The following CBL variants were observed in gnomAD, a reference collection of about 807,000 sequenced individuals.
The protein encoded by CBL is Cbl proto-oncogene, also known as E3 ubiquitin-protein ligase CBL.
CBL carries 45 observed loss-of-function variants against 96.9 expected under a neutral mutation model. The observed-to-expected ratio is 0.46, with a 90% confidence interval of 0.37 to 0.60. The LOEUF (loss-of-function observed/expected upper bound fraction) is 0.60, where lower values mean the gene tolerates loss of function less well. Among genes scored for constraint, CBL ranks in the 20% least tolerant of loss-of-function variants. The pLI is 0.00. For missense variants in CBL, 1,024 were observed against 1,143.5 expected (o/e 0.90, Z 1.51); for synonymous variants, 420 against 426.8 (o/e 0.98, Z 0.20).
chr11:119,248,721 A>G (rs1388403722), intron 2 of CBL, among the ~76,000 whole-genome samples: 1 of 152,234 alleles, frequency 6.6e-6, no homozygotes, highest in East Asian at 1.9e-4. Context: ...ATGGGTCAAA[A>G]TATTTACAAG....
At chr11:119,221,045 G>C (rs1949405345) in intron 1 of CBL, among the ~76,000 whole-genome samples, 1 of 151,640 alleles carries the variant, frequency 6.6e-6, no homozygotes, top group Non-Finnish European at 1.5e-5. Flanking sequence ...AGGAGTTCGA[G>C]ACCAGCTTGT....
intron 2 of CBL, among the ~76,000 whole-genome samples, chr11:119,254,974 C>T (rs556851268): frequency 2.6e-5 from 4 of 152,178 alleles, no homozygotes; most frequent in African/African-American, 9.6e-5. Flanking sequence ...GACTGGAATT[C>T]ATGGGTAGAA....
At chr11:119,230,741 G>C (rs1949496250) in intron 1 of CBL, among the ~76,000 whole-genome samples, 1 of 152,150 alleles carries the variant, frequency 6.6e-6, no homozygotes, top group South Asian at 2.1e-4. Context: ...CGCTGATACT[G>C]AATTTCCTTG....
chr11:119,278,656 T>C lies in CBL; in HGVS notation c.1374T>C (p.Asp458=). Residue 458 remains aspartate, a synonymous_variant, in exon 9 of 16, where the codon GAT becomes GAC. Transcript: ENST00000264033. ...EGAPSPNYDD[D]DDERADDTLF... is the part of the protein sequence containing the mutation. ...CTCCCTCCCCAAATTATGATGATGA[T>C]GATGATGAACGAGCTGATGATACTC... 1 of 1,613,994 alleles carries C rather than the reference T, an allele frequency of 6.2e-7. No homozygotes were observed. The highest frequency in any genetic ancestry group is 1.1e-5 in the South Asian group (1 of 91,072).
intron 9 of CBL, among the ~76,000 whole-genome samples, 161 bp downstream of exon 9, chr11:119,278,874 GT>G (rs534101322): frequency 1.9e-3 from 282 of 152,268 alleles, no homozygotes; most frequent in Middle Eastern, 0.01. Flanking sequence ...CACTTTACTT[GT>G]TTTTTACTCA....
chr11:119,260,111 G>T (rs1342616632), intron 2 of CBL, among the ~76,000 whole-genome samples: 1 of 151,996 alleles, frequency 6.6e-6, no homozygotes, highest in Non-Finnish European at 1.5e-5. Context: ...AACACTGAAT[G>T]TATCCTCTTC....
At chr11:119,293,625 G>A (rs1184724290) in intron 12 of CBL, among the ~76,000 whole-genome samples, 2 of 152,066 alleles carry the variant, frequency 1.3e-5, no homozygotes, top group Non-Finnish European at 2.9e-5. Flanking sequence ...CTTCTCTGCT[G>A]TTCCCTCCTC....
At chr11:119,263,759 T>C (rs1949773245) in intron 2 of CBL, among the ~76,000 whole-genome samples, 1 of 152,224 alleles carries the variant, frequency 6.6e-6, no homozygotes, top group Admixed American at 6.5e-5. Context: ...TTCCGTTGTA[T>C]CTATTTTTAA....
rs879705207 is a variant in CBL at position 119,214,242 on chromosome 11, CT to C, written c.195+7645del. On this transcript the variant is annotated intron_variant, in intron 1 of 15. Coordinates refer to ENST00000264033, the MANE Select transcript of CBL (RefSeq NM_005188.4). ...ACAGGCATGAGCCACCCCGCCCGGA[CT>C]TTTTTTTTTTTTTTAAAGTCAGAGT... Among the ~76,000 whole-genome samples the C allele has an allele frequency of 6.2e-3, 883 of 141,708 alleles. 2 individuals are homozygous for C. The highest frequency in any genetic ancestry group is 6.2e-3 in the Non-Finnish European group (397 of 64,480). The allele number at this position is 141,708 out of a possible 152,430, so 93.0% of individuals were successfully genotyped here.
At chr11:119,281,710 G>A (rs1339232782) in intron 9 of CBL, among the ~76,000 whole-genome samples, 1 of 151,918 alleles carries the variant, frequency 6.6e-6, no homozygotes, top group African/African-American at 2.4e-5. Context: ...TGTTAGCCAG[G>A]ATGGTCTTGA....
chr11:119,289,765 T>C (rs1950011867), intron 12 of CBL: 3 of 152,150 alleles, frequency 2.0e-5, no homozygotes, highest in African/African-American at 7.2e-5. Context: ...TATTTAAAGA[T>C]AGGGTCTTGA....
chr11:119,283,255 T>C (rs1264178008), intron 9 of CBL, among the ~76,000 whole-genome samples: 2 of 152,254 alleles, frequency 1.3e-5, no homozygotes, highest in Non-Finnish European at 2.9e-5. Flanking sequence ...GTCATTGAGC[T>C]GTTTAGCTGC....
At chr11:119,229,848 C>T (rs910064758) in intron 1 of CBL, among the ~76,000 whole-genome samples, 3 of 151,894 alleles carry the variant, frequency 2.0e-5, no homozygotes, top group African/African-American at 7.3e-5. Context: ...CTGCCTCAGC[C>T]TCCCGAGTAG....
intron 2 of CBL, among the ~76,000 whole-genome samples, chr11:119,247,612 A>C (rs1375813878): frequency 6.6e-6 from 1 of 152,182 alleles, no homozygotes; most frequent in Non-Finnish European, 1.5e-5. Flanking sequence ...AGAGTTCAAG[A>C]CTAGCCTGGC....
rs1057518072 is a variant in CBL, at chr11:119,299,564, G to A, written c.2504G>A (p.Arg835Gln). 2 of 1,614,144 alleles carry A rather than the reference G, an allele frequency of 1.2e-6. No homozygotes were observed. The highest frequency in any genetic ancestry group is 1.1e-5 in the South Asian group (1 of 91,082). Reference sequence around the variant, plus strand: ...TTCCCGCGGAGAATCAACTCTGAACGGAAAGCTGGCAGCTGTCAGCAAGGT... The same window carrying A: ...TTCCCGCGGAGAATCAACTCTGAACAGAAAGCTGGCAGCTGTCAGCAAGGT... Reference protein sequence around the residue: ...KPFPRRINSERKAGSCQQGSG... With the variant: ...KPFPRRINSEQKAGSCQQGSG... Residue 835 changes from arginine (R) to glutamine (Q), a missense_variant, in exon 16 of 16, where the codon CGG (arginine) becomes CAG (glutamine). Transcript: ENST00000264033.
At chr11:119,272,359 A>C (rs1395621993) in intron 3 of CBL, among the ~76,000 whole-genome samples, 1 of 152,162 alleles carries the variant, frequency 6.6e-6, no homozygotes, top group Non-Finnish European at 1.5e-5. Context: ...TGACCTCGTG[A>C]TCCACCTGCT....
At chr11:119,244,969 A>G (rs906777752) in intron 2 of CBL, among the ~76,000 whole-genome samples, 9 of 151,848 alleles carry the variant, frequency 5.9e-5, no homozygotes, top group African/African-American at 1.7e-4. Context: ...CAGCCTCCCA[A>G]GTAGCTGGGA....
Position 119,305,933 on chromosome 11 carries a change from C to T in CBL, c.*6152C>T. 3.7e-6 allele frequency: 1 copy of T among 270,662 alleles called. No individual in the cohort carries two copies. The highest frequency in any genetic ancestry group is 7.0e-6 in the Non-Finnish European group (1 of 143,722). 16.8% of individuals were successfully genotyped at this position (270,662 alleles called of 1,614,324 possible). On this transcript the variant is annotated 3_prime_UTR_variant, in exon 16 of 16. Transcript: ENST00000264033. ...TACCTAATAATCCAAAGATGTCCATCAAGGGAGGAAGGGTGGGTCATCAGA... is the reference window on the plus strand; with the variant it reads ...TACCTAATAATCCAAAGATGTCCATTAAGGGAGGAAGGGTGGGTCATCAGA...
At chr11:119,264,383 TTTCTTTTCTCTTCTCTTCTC>T (rs1426401221) in intron 2 of CBL, among the ~76,000 whole-genome samples, 4 of 94,262 alleles carry the variant, frequency 4.2e-5, no homozygotes, top group Non-Finnish European at 9.2e-5. Flanking sequence ...TGATCTTTCT[TTTCTTTTCTCTTCTCTTCTC>T]TTCTCTTCTC....
Sources: allele counts gnomAD v4.1 joint callset (sites outside exome capture counted in the v4.1 genomes callset), GRCh38; gene constraint gnomAD v4.1.1; transcripts MANE v1.5; gene names NCBI Gene and HGNC (gene_info 2026-07-23, HGNC 2026-07-21).